Variants in ADAP1 observed in about 807,000 individuals in gnomAD.
ADAP1 encodes arf-GAP with dual PH domain-containing protein 1.
ADAP1 carries 31 observed loss-of-function variants against 54.9 expected under a neutral mutation model. The ratio of observed to expected loss-of-function variants is 0.56; its 90% CI spans 0.42 to 0.76. ADAP1 has a LOEUF of 0.76. Among genes scored for constraint, ADAP1 ranks in the 30% least tolerant of loss-of-function variants. The pLI is 0.00. For synonymous variants in ADAP1, 313 were observed against 202.6 expected, an observed-to-expected ratio of 1.55 and a Z score of -4.63; for missense variants, 535 against 512.4, an observed-to-expected ratio of 1.04 and a Z score of -0.42.
rs1210466259 is a variant in ADAP1 at position 920,062 on chromosome 7, GGA to G, written c.306-14_306-13del. 6.2e-7 allele frequency: 1 copy of G among 1,603,982 alleles called. No individual in the cohort carries two copies. ...GCTCTCGAAGGAGCCTGTGGGGAGA[GGA>G]GAGACTGAGCCACTGGGCCAAGGCG... On this transcript the variant is annotated splice_polypyrimidine_tract_variant and intron_variant, in intron 3 of 10. Transcript: ENST00000265846. The surrounding 1 kb of genome is among the most constrained non-coding windows in gnomAD (Gnocchi z 4.5).
At chr7:911,902 C>T (rs545172139) in intron 4 of ADAP1, among the ~76,000 whole-genome samples, 2 of 152,254 alleles carry the variant, frequency 1.3e-5, no homozygotes, top group South Asian at 2.1e-4. Flanking sequence ...AAACACCCGT[C>T]CCCCCGAGGG....
chr7:908,182 C>A (rs1006823992), intron 4 of ADAP1, among the ~76,000 whole-genome samples: 3 of 152,182 alleles, frequency 2.0e-5, no homozygotes, highest in Admixed American at 6.5e-5. Flanking sequence ...CTAAACAGCC[C>A]CCTGCAGCAG....
intron 2 of ADAP1, among the ~76,000 whole-genome samples, chr7:929,190 G>A (rs1292286713): frequency 6.6e-6 from 1 of 151,968 alleles, no homozygotes; most frequent in African/African-American, 2.4e-5. Context: ...TACTCGGGAG[G>A]CTGAGGCAGG....
At chr7:955,371 T>C, upstream of ADAP1, 1 of 1,550,314 alleles carries the variant, frequency 6.5e-7, no homozygotes, top group South Asian at 1.2e-5. Context: ...CTTGCAGGGT[T>C]AATGCAGTAC....
In ADAP1 at chr7:954,612, T is replaced by G. The variant is rs1415736057; in HGVS notation, c.-135A>C. The G allele has an allele frequency of 4.1e-6, 4 of 981,740 alleles. No individual in the cohort carries two copies. The highest frequency in any genetic ancestry group is 3.6e-5 in the African/African-American group (2 of 56,168). The allele number at this position is 981,740 out of a possible 1,614,324, so 60.8% of individuals were successfully genotyped here. ...GGGCGGCCTCAGCCCGCGCGCCGGT[T>G]CCGCATTCCCGCCGCCCTCTGGGCT... On this transcript the variant is annotated 5_prime_UTR_variant, in exon 1 of 11. Transcript: ENST00000265846.
chr7:905,446 AG>A lies in ADAP1; in HGVS notation c.389-275del, dbSNP rs376731040. Reference sequence around the variant, plus strand: ...GAAAGGAGAAAGGAGAAAGGGAGAAAGGGAGAAAGGGAAAGGAGAAAGGAGA... The same window carrying A: ...GAAAGGAGAAAGGAGAAAGGGAGAAAGGAGAAAGGGAAAGGAGAAAGGAGA... On this transcript the variant is annotated intron_variant, in intron 4 of 10. Transcript: ENST00000265846. 55 of 68,306 alleles carry A rather than the reference AG, an allele frequency of 8.1e-4. 6 individuals are homozygous for A. The highest frequency in any genetic ancestry group is 1.5e-3 in the African/African-American group (6 of 3,912). 4.2% of individuals were successfully genotyped at this position (68,306 alleles called of 1,614,324 possible).
chr7:908,390 G>T (rs893299019), intron 4 of ADAP1, among the ~76,000 whole-genome samples: 1 of 152,268 alleles, frequency 6.6e-6, no homozygotes, highest in Admixed American at 6.5e-5. Context: ...CCCTCGGGGA[G>T]GGGGCCCTGG....
At chr7:901,274 C>T (rs1010210688) in intron 6 of ADAP1, 8 of 344,984 alleles carry the variant, frequency 2.3e-5, no homozygotes, top group East Asian at 7.8e-5. Context: ...CTAGACCCAG[C>T]GCCCCTCCTG....
intron 1 of ADAP1, among the ~76,000 whole-genome samples, chr7:947,455 G>C (rs1847168992): frequency 6.6e-6 from 1 of 151,948 alleles, no homozygotes; most frequent in Non-Finnish European, 1.5e-5. Context: ...TGTGGCTGCT[G>C]TCCCCTTGGC....
intron 4 of ADAP1, among the ~76,000 whole-genome samples, chr7:914,660 G>A (rs1357068861): frequency 6.6e-6 from 1 of 152,172 alleles, no homozygotes; most frequent in Non-Finnish European, 1.5e-5. Context: ...CAGAACCTAG[G>A]GTTCCAAATA....
intron 8 of ADAP1, among the ~76,000 whole-genome samples, 190 bp downstream of exon 8, chr7:899,912 G>C (rs900390072): frequency 6.6e-6 from 1 of 152,220 alleles, no homozygotes; most frequent in Non-Finnish European, 1.5e-5. Context: ...GGCAGGGAGG[G>C]TCTAACCAAA....
chr7:930,144 G>T (rs919413489), intron 2 of ADAP1, among the ~76,000 whole-genome samples: 5 of 145,062 alleles, frequency 3.4e-5, no homozygotes, highest in African/African-American at 5.1e-5. Flanking sequence ...GGCAGAGAAG[G>T]CCTATTTATG....
At chr7:933,889 A>G (rs868556427) in intron 2 of ADAP1, among the ~76,000 whole-genome samples, 148 of 6,534 alleles carry the variant, frequency 0.023, 2 homozygotes, top group East Asian at 0.21. Context: ...AGAGCCGGGG[A>G]CCGGGGTCAG....
intron 1 of ADAP1, among the ~76,000 whole-genome samples, chr7:947,249 G>A (rs1282510212): frequency 8.5e-5 from 12 of 140,872 alleles, no homozygotes; most frequent in African/African-American, 2.4e-4. Context: ...AGAGATGGGG[G>A]TCTCACCATG....
intron 4 of ADAP1, among the ~76,000 whole-genome samples, chr7:919,166 G>T (rs111629899): frequency 6.6e-6 from 1 of 152,318 alleles, no homozygotes; most frequent in African/African-American, 2.4e-5. Flanking sequence ...GCAGGCCTAG[G>T]GGAGGTGGAG....
chr7:903,443 A>T (rs1221240774), intron 6 of ADAP1, among the ~76,000 whole-genome samples: 1 of 152,108 alleles, frequency 6.6e-6, no homozygotes, highest in Non-Finnish European at 1.5e-5. Flanking sequence ...GTTAGGAGGG[A>T]CCTCAAACTT....
chr7:912,753 T>G lies in ADAP1; in HGVS notation c.388+7215A>C, dbSNP rs186807191. Reference sequence around the variant, plus strand: ...AATCTCGCTGTTGCCCAGGCTGGAGTGCAATGGCGCGATCTCGGCTCCCTG... The same window carrying G: ...AATCTCGCTGTTGCCCAGGCTGGAGGGCAATGGCGCGATCTCGGCTCCCTG... On this transcript the variant is annotated intron_variant, in intron 4 of 10. Transcript: ENST00000265846. Among the ~76,000 whole-genome samples, 1,011 of 152,242 alleles carry G rather than the reference T, an allele frequency of 6.6e-3. 13 individuals are homozygous for G. The highest frequency in any genetic ancestry group is 0.021 in the African/African-American group (872 of 41,542).
In ADAP1 at chr7:938,700, G is replaced by A. The variant is rs1329054583; in HGVS notation, c.83-3195C>T. The stretch of plus-strand genomic sequence containing the variant: ...CCTCATCTGTCGGATGGGACAGCAC[G>A]AGCCACTTACAGGGGTAGCAGGCAA... On this transcript the variant is annotated intron_variant, in intron 1 of 10. Coordinates refer to ENST00000265846, the MANE Select transcript of ADAP1 (RefSeq NM_006869.4). This position sits in a 1 kb window ranked among gnomAD's most constrained non-coding sequence, Gnocchi z 4.4. 1.3e-5 allele frequency among the ~76,000 whole-genome samples: 2 copies of A among 152,310 alleles called. No homozygotes were observed. The highest frequency in any genetic ancestry group is 4.8e-5 in the African/African-American group (2 of 41,578).
intron 1 of ADAP1, among the ~76,000 whole-genome samples, chr7:937,419 C>G (rs71518357): frequency 5.0e-5 from 1 of 20,068 alleles, no homozygotes; most frequent in Non-Finnish European, 8.9e-5. Flanking sequence ...GGGTCACGCC[C>G]GGCCTCTGGG....
Sources: gnomAD v4.1 joint callset for allele counts (sites outside exome capture counted in the v4.1 genomes callset) on GRCh38, gnomAD v4.1.1 for gene constraint, Gnocchi (gnomAD v3.1) non-coding constraint, MANE v1.5 for transcripts, NCBI Gene and HGNC (gene_info 2026-07-23, HGNC 2026-07-21) for gene names.